The following LAMB4 variants were observed in gnomAD, a reference collection of about 807,000 sequenced individuals.
LAMB4 encodes the protein laminin subunit beta-4.
LAMB4 carries 196 observed loss-of-function variants against 199.2 expected under a neutral mutation model. The observed-to-expected ratio is 0.98, with a 90% CI of 0.88 to 1.11. The LOEUF (loss-of-function observed/expected upper bound fraction) is 1.11, where lower values mean the gene tolerates loss of function less well. Ranked by LOEUF, LAMB4 falls within the 50% of genes least tolerant of loss-of-function variation. LAMB4 has a pLI of 0.00. For synonymous variants in LAMB4, 744 were observed against 770.6 expected, an observed-to-expected ratio of 0.97 and a Z score of 0.57; for missense variants, 2,080 against 2,171.2, an observed-to-expected ratio of 0.96 and a Z score of 0.83.
intron 14 of LAMB4, among the ~76,000 whole-genome samples, chr7:108,083,632 G>A (rs1262598165): frequency 6.6e-6 from 1 of 152,224 alleles, no homozygotes; most frequent in Non-Finnish European, 1.5e-5. Context: ...TGAAGCATTA[G>A]CTTCACAAAC....
intron 28 of LAMB4, among the ~76,000 whole-genome samples, chr7:108,047,194 C>T (rs944418907): frequency 6.6e-6 from 1 of 152,158 alleles, no homozygotes; most frequent in Non-Finnish European, 1.5e-5. Flanking sequence ...TCTTTACACA[C>T]ACACGTACAC....
chr7:108,046,607 G>A (rs964317743), intron 28 of LAMB4, among the ~76,000 whole-genome samples: 4 of 151,786 alleles, frequency 2.6e-5, no homozygotes, highest in African/African-American at 9.7e-5. Flanking sequence ...AGAAAACTAG[G>A]TAATTAAAAA....
chr7:108,107,061 A>G (rs961912478), intron 6 of LAMB4, among the ~76,000 whole-genome samples: 6 of 152,128 alleles, frequency 3.9e-5, no homozygotes, highest in Non-Finnish European at 7.3e-5. Context: ...CAGAAAAGTC[A>G]AAAAGAGTGC....
intron 17 of LAMB4, among the ~76,000 whole-genome samples, chr7:108,072,345 C>T (rs1034573002): frequency 1.3e-5 from 2 of 152,120 alleles, no homozygotes; most frequent in Non-Finnish European, 2.9e-5. Context: ...TACATGTACG[C>T]ATTGAAGTCT....
Position 108,122,268 on chromosome 7 carries a change from G to A in LAMB4, c.34+863C>T, listed in dbSNP as rs57491559. Among the ~76,000 whole-genome samples, 29 of 152,336 alleles carry A rather than the reference G, an allele frequency of 1.9e-4. No homozygotes were observed. The East Asian group carries it at 5.6e-3, about 29-fold the overall frequency. ...ATTGGTTTAGTTTCAAAGAGAACAT[G>A]TAAGGCAGGTGCAGGTTAAAATAAC... On this transcript the variant is annotated intron_variant, in intron 2 of 33. Transcript: ENST00000388781.
At chr7:108,063,611 T>A in intron 22 of LAMB4, 150 bp downstream of exon 22, 1 of 708,160 alleles carries the variant, frequency 1.4e-6, no homozygotes, top group Non-Finnish European at 2.6e-6. Context: ...TTTCTGTTGA[T>A]GAGTTCCGTA....
chr7:108,019,678 C>T (rs955563839), downstream of LAMB4, among the ~76,000 whole-genome samples: 1 of 152,056 alleles, frequency 6.6e-6, no homozygotes, highest in East Asian at 1.9e-4. Context: ...CAGTCTCTCT[C>T]GCTAGGCAGC....
chr7:108,068,912 C>T (rs1409490747), intron 18 of LAMB4, among the ~76,000 whole-genome samples: 1 of 152,146 alleles, frequency 6.6e-6, no homozygotes, highest in Non-Finnish European at 1.5e-5. Flanking sequence ...TCTCGAACTC[C>T]TGACCTCAAG....
intron 12 of LAMB4, 62 bp from the exon 13 acceptor site, chr7:108,092,478 C>A: frequency 8.4e-7 from 1 of 1,196,748 alleles, no homozygotes. Context: ...TGAAGTGCAA[C>A]ACTGAAATCA....
chr7:108,095,437 C>T (rs2037561099), intron 11 of LAMB4, 100 bp from the exon 12 acceptor site: 2 of 831,444 alleles, frequency 2.4e-6, no homozygotes, highest in African/African-American at 1.7e-5. Context: ...ACCGCAAGAA[C>T]ACAGAGAAGC....
chr7:108,065,643 T>G, intron 21 of LAMB4, 119 bp downstream of exon 21: 1 of 720,056 alleles, frequency 1.4e-6, no homozygotes, highest in South Asian at 2.6e-5. Context: ...CATTGTGTCT[T>G]CTTACCATTT....
chr7:108,126,554 C>CCTTTTTTTTTTTT (rs780962576), intron 1 of LAMB4, among the ~76,000 whole-genome samples: 1 of 83,520 alleles, frequency 1.2e-5, no homozygotes, highest in African/African-American at 5.0e-5. Context: ...GAATTTCTTT[C>CCTTTTTTTTTTTT]TTTTTTTTTT....
At chr7:108,109,833 C>T (rs1353430446) in intron 4 of LAMB4, among the ~76,000 whole-genome samples, 1 of 152,110 alleles carries the variant, frequency 6.6e-6, no homozygotes. Flanking sequence ...TGTGGGGTAT[C>T]AGCCCTAACC....
chr7:108,047,758 G>A, intron 28 of LAMB4, 150 bp downstream of exon 28: 1 of 648,288 alleles, frequency 1.5e-6, no homozygotes, highest in Non-Finnish European at 2.7e-6. Context: ...CATATCATCT[G>A]TAATTTTATC....
intron 21 of LAMB4, among the ~76,000 whole-genome samples, chr7:108,065,527 T>C (rs2036305514): frequency 6.6e-6 from 1 of 152,224 alleles, no homozygotes; most frequent in Admixed American, 6.5e-5. Flanking sequence ...ATTAGTTTTC[T>C]AGAACATTAT....
At chr7:108,124,673 A>C (rs917769495) in intron 1 of LAMB4, among the ~76,000 whole-genome samples, 3 of 151,946 alleles carry the variant, frequency 2.0e-5, no homozygotes, top group African/African-American at 4.8e-5. Context: ...GCAAAAAAAA[A>C]ACAACCTCAT....
intron 14 of LAMB4, among the ~76,000 whole-genome samples, chr7:108,081,324 T>G (rs969070619): frequency 2.0e-5 from 3 of 152,056 alleles, no homozygotes; most frequent in Admixed American, 2.0e-4. Context: ...TCACAGCCAA[T>G]GACTGACTGA....
In LAMB4 at chr7:108,079,659, GC is replaced by G. The variant is rs749734607; in HGVS notation, c.1828del (p.Ala610LeufsTer31). On this transcript the variant is annotated frameshift_variant, in exon 15 of 34. Transcript: ENST00000388781. LOFTEE classifies it high-confidence loss of function. ...CACAGGAAAGGGAATGTTGTTGACA[GC>G]AAATCTCAAGCCAGCCCCAGGGAGA... ...RVLPGAGLRF[A>X]VNNIPFPVDF... 4 of 1,613,162 alleles carry G rather than the reference GC, an allele frequency of 2.5e-6. No homozygotes were observed. The South Asian group carries it at 4.4e-5, about 18-fold the overall frequency.
intron 4 of LAMB4, among the ~76,000 whole-genome samples, chr7:108,110,269 T>C (rs537940354): frequency 2.0e-5 from 3 of 152,322 alleles, no homozygotes; most frequent in African/African-American, 7.2e-5. Context: ...GCTCAAGTGA[T>C]CTGCCTATCT....
Sources: gnomAD v4.1 joint callset for allele counts (sites outside exome capture counted in the v4.1 genomes callset) on GRCh38, gnomAD v4.1.1 for gene constraint, MANE v1.5 for transcripts, NCBI Gene and HGNC (gene_info 2026-07-23, HGNC 2026-07-21) for gene names.